CUEDC1: variants seen among roughly 807,000 people sequenced by gnomAD.
CUEDC1 encodes CUE domain-containing protein 1.
A neutral mutation model predicts 43.7 loss-of-function variants in CUEDC1; 30 were observed. The ratio of observed to expected loss-of-function variants is 0.69; its 90% CI spans 0.51 to 0.93. The LOEUF (loss-of-function observed/expected upper bound fraction) is 0.93, where lower values mean the gene tolerates loss of function less well. Ranked by LOEUF, CUEDC1 falls within the 40% of genes least tolerant of loss-of-function variation. The pLI is 0.00. For missense variants in CUEDC1, 486 were observed against 549.0 expected (o/e 0.89, Z 1.15); for synonymous variants, 223 against 223.6 (o/e 1.00, Z 0.02).
At position 57,930,388 on chromosome 17, in the gene CUEDC1, A is replaced by C. The variant is rs955854467; in HGVS notation, c.-316+24837T>G. ...AGGCCAGAAGGTAGCCCTTACAAAC[A>C]CCTTTCCCCAACTCCAGGCTGAGTC... is the stretch of plus-strand genomic sequence containing the variant. On this transcript the variant is annotated intron_variant, in intron 1 of 10. Coordinates refer to ENST00000577830, the MANE Select transcript of CUEDC1 (RefSeq NM_001271875.2). This position sits in a 1 kb window ranked among gnomAD's most constrained non-coding sequence, Gnocchi z 4.2. Among the ~76,000 whole-genome samples the C allele has an allele frequency of 6.6e-6, 1 of 152,004 alleles. No individual in the cohort carries two copies. The highest frequency in any genetic ancestry group is 1.5e-5 in the Non-Finnish European group (1 of 68,010).
intron 3 of CUEDC1, among the ~76,000 whole-genome samples, chr17:57,877,593 A>AC (rs1419453184): frequency 7.5e-6 from 1 of 133,672 alleles, no homozygotes; most frequent in Non-Finnish European, 1.6e-5. Flanking sequence ...AAAAAAAAAA[A>AC]GGTGGGGGTG....
intron 1 of CUEDC1, among the ~76,000 whole-genome samples, chr17:57,913,215 C>A (rs955963151): frequency 1.3e-5 from 2 of 152,018 alleles, no homozygotes; most frequent in South Asian, 4.2e-4. Flanking sequence ...GTAATCCCAA[C>A]TACTTGGGAG....
chr17:57,929,136 CAAT>C (rs2074778783), intron 1 of CUEDC1, among the ~76,000 whole-genome samples: 1 of 152,194 alleles, frequency 6.6e-6, no homozygotes, highest in South Asian at 2.1e-4. Context: ...CAAACAATGA[CAAT>C]GATGCTGCTG....
chr17:57,898,441 G>T (rs542203988), intron 1 of CUEDC1, among the ~76,000 whole-genome samples: 1 of 152,248 alleles, frequency 6.6e-6, no homozygotes, highest in Admixed American at 6.5e-5. Flanking sequence ...GAGTGGTCAG[G>T]AGTTGGGCAG....
intron 1 of CUEDC1, among the ~76,000 whole-genome samples, chr17:57,920,488 T>C (rs1453533372): frequency 6.6e-5 from 10 of 152,172 alleles, no homozygotes; most frequent in Non-Finnish European, 1.5e-5. Flanking sequence ...CAGCAACACA[T>C]GCAAAATGCA....
chr17:57,868,688 A>G (rs1344077660), intron 7 of CUEDC1, among the ~76,000 whole-genome samples: 1 of 152,098 alleles, frequency 6.6e-6, no homozygotes, highest in Non-Finnish European at 1.5e-5. Flanking sequence ...CCTCATTCAC[A>G]CATGGCTGTG....
intron 3 of CUEDC1, among the ~76,000 whole-genome samples, chr17:57,875,988 C>A (rs1479347623): frequency 4.6e-5 from 7 of 152,104 alleles, no homozygotes. Context: ...GGTGGCCCTG[C>A]CTCTCTGTGC....
At chr17:57,883,236 C>T (rs543772187) in intron 2 of CUEDC1, among the ~76,000 whole-genome samples, 2 of 152,246 alleles carry the variant, frequency 1.3e-5, no homozygotes, top group African/African-American at 2.4e-5. Context: ...TTGCTATGTG[C>T]GTGGATTGTC....
intron 6 of CUEDC1, among the ~76,000 whole-genome samples, chr17:57,870,776 A>G (rs1417268768): frequency 6.6e-6 from 1 of 151,862 alleles, no homozygotes; most frequent in African/African-American, 2.4e-5. Flanking sequence ...TCCTGGGCTC[A>G]AGTGATCCTC....
intron 1 of CUEDC1, among the ~76,000 whole-genome samples, chr17:57,926,530 C>T (rs775766484): frequency 1.3e-5 from 2 of 152,092 alleles, no homozygotes; most frequent in Admixed American, 1.3e-4. Context: ...GTGGCTCACA[C>T]CTGTGTAATG....
chr17:57,937,472 G>A (rs1330068978), intron 1 of CUEDC1, among the ~76,000 whole-genome samples: 1 of 151,828 alleles, frequency 6.6e-6, no homozygotes, highest in Admixed American at 6.6e-5. Flanking sequence ...TTAGTGAGAT[G>A]TGGCAGCATG....
chr17:57,866,088 G>A (rs1340574010), intron 10 of CUEDC1, among the ~76,000 whole-genome samples: 6 of 152,180 alleles, frequency 3.9e-5, no homozygotes, highest in East Asian at 1.9e-4. Flanking sequence ...CTCCCAAAGT[G>A]CTGGGATTAC....
At chr17:57,865,058 AAATGAATGAATGAATG>A (rs140245915) in intron 10 of CUEDC1, among the ~76,000 whole-genome samples, 1 of 151,600 alleles carries the variant, frequency 6.6e-6, no homozygotes, top group Non-Finnish European at 1.5e-5. Flanking sequence ...CTCTGTCTCA[AAATGAATGAATGAATG>A]AATGAATGAA....
At chr17:57,876,180 C>T (rs2144939656) in intron 3 of CUEDC1, among the ~76,000 whole-genome samples, 1 of 152,264 alleles carries the variant, frequency 6.6e-6, no homozygotes, top group Non-Finnish European at 1.5e-5. Flanking sequence ...GGTTAAGGCC[C>T]TTGAATGGCT....
intron 1 of CUEDC1, among the ~76,000 whole-genome samples, chr17:57,929,926 C>T (rs2074787725): frequency 6.6e-6 from 1 of 152,130 alleles, no homozygotes; most frequent in African/African-American, 2.4e-5. Flanking sequence ...CTCAGCCTCC[C>T]GAGTAGCTGG....
chr17:57,935,239 C>G (rs1376078925), intron 1 of CUEDC1, among the ~76,000 whole-genome samples: 1 of 152,190 alleles, frequency 6.6e-6, no homozygotes, highest in African/African-American at 2.4e-5. Flanking sequence ...TCCATGACAA[C>G]AGGATGAGCA....
rs3085786 is a variant in CUEDC1, at chr17:57,887,655, C to CTTTTTTTTTTTTTTTTTTTTTTTT, written c.-315-1777_-315-1776insAAAAAAAAAAAAAAAAAAAAAAAA. Among the ~76,000 whole-genome samples, 9 of 58,032 alleles carry CTTTTTTTTTTTTTTTTTTTTTTTT rather than the reference C, an allele frequency of 1.6e-4. 1 individual carries two copies. The highest frequency in any genetic ancestry group is 5.4e-4 in the Admixed American group (2 of 3,708). 38.1% of individuals were successfully genotyped at this position (58,032 alleles called of 152,430 possible). On this transcript the variant is annotated intron_variant, in intron 1 of 10. Transcript: ENST00000577830. ...TACAGGTACACGCCACCACGCCTGG[C>CTTTTTTTTTTTTTTTTTTTTTTTT]TTTTTTTTTTTTTTTTTTTTTGTAT...
chr17:57,954,183 T>C lies in CUEDC1; in HGVS notation c.-316+1042A>G, dbSNP rs1383338116. ...CTCCTGGGCCAGGTGGCTCAGGTGC[T>C]GCGGGATCACCCAGGGAAGGCTCAT... On this transcript the variant is annotated intron_variant, in intron 1 of 10. Transcript: ENST00000577830. This position sits in a 1 kb window ranked among gnomAD's most constrained non-coding sequence, Gnocchi z 4.3. Among the ~76,000 whole-genome samples, 2 of 152,192 alleles carry C rather than the reference T, an allele frequency of 1.3e-5. No homozygotes were observed.
rs139702242 is a variant in CUEDC1 at position 57,879,619 on chromosome 17, C to T, written c.456G>A (p.Pro152=). Reference sequence around the variant, plus strand: ...ACATGACAGATTCTCACCGGGGAGGCGGAGTCGGGGGAGCCAGAGGGTAGG... The same window carrying T: ...ACATGACAGATTCTCACCGGGGAGGTGGAGTCGGGGGAGCCAGAGGGTAGG... ...DRPYPLAPPT[P]PPRIDALGSG... The change falls in exon 3 of 11, where the codon CCG becomes CCA. Residue 152 remains proline (P), a synonymous_variant. Coordinates refer to ENST00000577830, the MANE Select transcript of CUEDC1 (RefSeq NM_001271875.2). The T allele has an allele frequency of 2.1e-4, 333 of 1,589,700 alleles. No individual in the cohort carries two copies. The African/African-American group carries it at 3.5e-3, about 17-fold the overall frequency.
Sources: gnomAD v4.1 joint callset for allele counts (sites outside exome capture counted in the v4.1 genomes callset) on GRCh38, gnomAD v4.1.1 for gene constraint, Gnocchi (gnomAD v3.1) non-coding constraint, MANE v1.5 for transcripts, NCBI Gene and HGNC (gene_info 2026-07-23, HGNC 2026-07-21) for gene names.